The following FBXW8 variants were observed in gnomAD, a reference collection of about 807,000 sequenced individuals.
FBXW8 encodes the protein F-box/WD repeat-containing protein 8.
Under a neutral mutation model 65.3 loss-of-function variants are expected in FBXW8, and 57 were observed. The ratio of observed to expected loss-of-function variants is 0.87; its 90% CI spans 0.71 to 1.09. FBXW8 has a LOEUF of 1.09. Among genes scored for constraint, FBXW8 ranks in the 50% least tolerant of loss-of-function variants. The probability of loss-of-function intolerance (pLI) is 0.00; values close to 1 mark genes in which losing one functional copy is unlikely to be tolerated. For missense variants in FBXW8, 777 were observed against 814.8 expected, an observed-to-expected ratio of 0.95 and a Z score of 0.57; for synonymous variants, 308 against 330.2, an observed-to-expected ratio of 0.93 and a Z score of 0.73.
chr12:116,982,910 C>T (rs1473845940), intron 5 of FBXW8, among the ~76,000 whole-genome samples: 1 of 152,098 alleles, frequency 6.6e-6, no homozygotes, highest in African/African-American at 2.4e-5. Context: ...CAAATGCAGC[C>T]GCTCATCCTG....
intron 7 of FBXW8, chr12:117,002,408 G>T (rs1225138944): frequency 6.6e-6 from 1 of 152,378 alleles, no homozygotes; most frequent in East Asian, 1.9e-4. Flanking sequence ...GGTGCCAGAA[G>T]CATGTCGTGG....
At chr12:117,024,978 C>T (rs553978998) in intron 9 of FBXW8, among the ~76,000 whole-genome samples, 2 of 152,226 alleles carry the variant, frequency 1.3e-5, no homozygotes, top group South Asian at 2.1e-4. Flanking sequence ...AGGTTTACGC[C>T]AGTGGCACCT....
chr12:116,932,192 C>T (rs1881822075), intron 2 of FBXW8, among the ~76,000 whole-genome samples: 1 of 152,114 alleles, frequency 6.6e-6, no homozygotes, highest in Non-Finnish European at 1.5e-5. Flanking sequence ...GATTGCTAAC[C>T]ATTTGGCCTT....
intron 4 of FBXW8, among the ~76,000 whole-genome samples, chr12:116,955,625 C>T (rs1407895131): frequency 6.6e-6 from 1 of 152,156 alleles, no homozygotes; most frequent in Non-Finnish European, 1.5e-5. Flanking sequence ...GTGGTAACAG[C>T]TCTTAGAATT....
intron 8 of FBXW8, among the ~76,000 whole-genome samples, chr12:117,020,727 G>A (rs1954073984): frequency 6.6e-6 from 1 of 152,190 alleles, no homozygotes; most frequent in African/African-American, 2.4e-5. Flanking sequence ...AAACCACGGA[G>A]CTGAGCCTGG....
At position 116,963,373 on chromosome 12, in the gene FBXW8, G is replaced by A. The variant is rs146206230; in HGVS notation, c.678-1324G>A. ...TGTAATCCCAACACTTTTGGAGGCC[G>A]ACGTGGGTGGATCACTTGAGGCCAG... On this transcript the variant is annotated intron_variant, in intron 4 of 10. Transcript: ENST00000652555. Among the ~76,000 whole-genome samples, 1,434 of 152,244 alleles carry A rather than the reference G, an allele frequency of 9.4e-3. 27 individuals carry two copies. The highest frequency in any genetic ancestry group is 0.033 in the African/African-American group (1,371 of 41,540).
Position 116,923,295 on chromosome 12 carries a change from A to T in FBXW8, c.319-4728A>T, listed in dbSNP as rs1593041488. ...CTTGGCATTTTTTTTTTTAAATTCC[A>T]CAGGTGATTTTAATGTGTAATACAG... is the stretch of plus-strand genomic sequence containing the variant. On this transcript the variant is annotated intron_variant, in intron 1 of 10. Transcript: ENST00000652555. 3.3e-5 allele frequency among the ~76,000 whole-genome samples: 5 copies of T among 151,690 alleles called. No homozygotes were observed. The South Asian group carries it at 1.0e-3, about 32-fold the overall frequency.
intron 8 of FBXW8, 76 bp from the exon 9 acceptor site, chr12:117,024,071 G>A (rs1209311140): frequency 1.1e-5 from 17 of 1,507,036 alleles, no homozygotes; most frequent in Admixed American, 5.2e-5. Flanking sequence ...GACCAGCACC[G>A]TGGAGGGGGA....
intron 1 of FBXW8, among the ~76,000 whole-genome samples, chr12:116,915,033 T>G (rs894970594): frequency 7.2e-5 from 11 of 152,276 alleles, no homozygotes; most frequent in Non-Finnish European, 1.6e-4. Context: ...CTCCAGTGGC[T>G]ATTTTCAACT....
At chr12:116,912,034 A>T (rs1053823771) in intron 1 of FBXW8, among the ~76,000 whole-genome samples, 1 of 152,156 alleles carries the variant, frequency 6.6e-6, no homozygotes, top group African/African-American at 2.4e-5. Context: ...AAAGTTGGGA[A>T]AATCAAGAAC....
rs552359030 is a variant in FBXW8 at position 116,970,712 on chromosome 12, C to T, written c.835+5858C>T. On this transcript the variant is annotated intron_variant, in intron 5 of 10. Coordinates refer to ENST00000652555, the MANE Select transcript of FBXW8 (RefSeq NM_153348.3). Reference sequence around the variant, plus strand: ...CCTTTGAATGCAGTAAACAACTACCCCCCTGCCCCCAACATTGAAGTTTTA... The same window carrying T: ...CCTTTGAATGCAGTAAACAACTACCTCCCTGCCCCCAACATTGAAGTTTTA... Among the ~76,000 whole-genome samples, 7 of 152,260 alleles carry T rather than the reference C, an allele frequency of 4.6e-5. No individual in the cohort carries two copies. In the South Asian group the frequency reaches 1.0e-3, roughly 23 times the overall value.
At chr12:117,000,445 C>T (rs756351897) in intron 7 of FBXW8, among the ~76,000 whole-genome samples, 14 of 152,264 alleles carry the variant, frequency 9.2e-5, no homozygotes, top group Non-Finnish European at 1.8e-4. Flanking sequence ...GGGGTTCTCA[C>T]ATGCCAGCAT....
chr12:116,932,199 C>T (rs1881822638), intron 2 of FBXW8, among the ~76,000 whole-genome samples: 3 of 152,068 alleles, frequency 2.0e-5, no homozygotes, highest in South Asian at 2.1e-4. Context: ...AACCATTTGG[C>T]CTTTGATGGA....
At chr12:116,985,746 A>G (rs1885635517) in intron 6 of FBXW8, 1 of 200,532 alleles carries the variant, frequency 5.0e-6, no homozygotes, top group Non-Finnish European at 1.0e-5. Flanking sequence ...TTGGGAATCA[A>G]AGATCAGTTT....
chr12:117,002,841 A>C (rs769344431), intron 7 of FBXW8: 1 of 152,060 alleles, frequency 6.6e-6, no homozygotes, highest in South Asian at 2.1e-4. Context: ...TGTTTTTTTA[A>C]AGTCTTAGCT....
Position 116,988,766 on chromosome 12 carries a change from C to T in FBXW8, c.1136C>T (p.Thr379Ile). 6.2e-7 allele frequency: 1 copy of T among 1,614,190 alleles called. No homozygotes were observed. The highest frequency in any genetic ancestry group is 8.5e-7 in the Non-Finnish European group (1 of 1,180,042). Residue 379 changes from threonine (T) to isoleucine (I), a missense_variant, in exon 7 of 11, where the codon ACC (threonine) becomes ATC (isoleucine). Transcript: ENST00000652555. ...CTCAAAGCCGAAGACTCCGCCAGAA[C>T]CCTCCTTTACGCCCACGGCCCGCCT... is the stretch of plus-strand genomic sequence containing the variant. The part of the protein sequence containing the change: ...YLLKAEDSAR[T>I]LLYAHGPPVT...
At chr12:117,001,417 A>G (rs961355358) in intron 7 of FBXW8, among the ~76,000 whole-genome samples, 20 of 152,236 alleles carry the variant, frequency 1.3e-4, no homozygotes, top group Non-Finnish European at 1.9e-4. Flanking sequence ...CAGGCTAGTC[A>G]AAAGAAAATC....
chr12:116,947,598 G>A (rs1883012873), intron 3 of FBXW8, among the ~76,000 whole-genome samples: 1 of 151,804 alleles, frequency 6.6e-6, no homozygotes, highest in African/African-American at 2.4e-5. Context: ...AAATTAGCCG[G>A]GCGTGGTGGC....
intron 1 of FBXW8, among the ~76,000 whole-genome samples, chr12:116,927,692 G>A (rs964614076): frequency 1.3e-5 from 2 of 152,146 alleles, no homozygotes; most frequent in African/African-American, 2.4e-5. Flanking sequence ...GCTTTCCACA[G>A]ACCTTGACGG....
Sources: allele counts gnomAD v4.1 joint callset (sites outside exome capture counted in the v4.1 genomes callset), GRCh38; gene constraint gnomAD v4.1.1; transcripts MANE v1.5; gene names NCBI Gene and HGNC (gene_info 2026-07-23, HGNC 2026-07-21).